Variants in EPG5 observed in about 807,000 individuals in gnomAD.
EPG5 encodes the protein ectopic P granules protein 5 homolog.
EPG5 carries 159 observed loss-of-function variants against 302.7 expected under a neutral mutation model. The observed-to-expected ratio is 0.53, with a 90% CI of 0.46 to 0.60. The LOEUF (loss-of-function observed/expected upper bound fraction) is 0.60, where lower values mean the gene tolerates loss of function less well. Among genes scored for constraint, EPG5 ranks in the 20% least tolerant of loss-of-function variants. The pLI, the probability that EPG5 is intolerant of heterozygous loss-of-function variation, is 0.00. For missense variants in EPG5, 2,896 were observed against 3,092.4 expected, an observed-to-expected ratio of 0.94 and a Z score of 1.51; for synonymous variants, 1,158 against 1,136.8, an observed-to-expected ratio of 1.02 and a Z score of -0.37.
At chr18:45,876,036 G>A (rs1178673214) in intron 35 of EPG5, among the ~76,000 whole-genome samples, 200 bp downstream of exon 35, 6 of 149,266 alleles carry the variant, frequency 4.0e-5, no homozygotes, top group South Asian at 2.1e-4. Flanking sequence ...CAGCCTGGGC[G>A]ACAGAGCAAG....
intron 39 of EPG5, among the ~76,000 whole-genome samples, 180 bp from the exon 40 acceptor site, chr18:45,860,526 C>T (rs751340893): frequency 5.9e-5 from 9 of 152,164 alleles, no homozygotes; most frequent in East Asian, 5.8e-4. Context: ...AGGTAGTATG[C>T]GGCACACGGT....
At chr18:45,855,414 C>A in intron 43 of EPG5, 159 bp downstream of exon 43, 1 of 564,034 alleles carries the variant, frequency 1.8e-6, no homozygotes, top group Non-Finnish European at 3.2e-6. Context: ...GAGGTTGGCA[C>A]ATGAAACCAT....
chr18:45,897,692 T>A (rs1231433274), intron 27 of EPG5, among the ~76,000 whole-genome samples: 2 of 152,214 alleles, frequency 1.3e-5, no homozygotes, highest in East Asian at 1.9e-4. Context: ...TCCTAACTTT[T>A]AGGTCAAATT....
the EPG5 span, among the ~76,000 whole-genome samples, chr18:45,833,926 C>A: frequency 4.6e-5 from 7 of 151,218 alleles, no homozygotes; most frequent in East Asian, 1.2e-3. Context: ...TGGAAAAAAA[C>A]CCATGAATCC....
At position 45,925,861 on chromosome 18, in the gene EPG5, C is replaced by T. The variant is rs1160786631; in HGVS notation, c.2595G>A (p.Trp865Ter). 6.4e-7 allele frequency: 1 copy of T among 1,554,662 alleles called. No individual in the cohort carries two copies. Among genetic ancestry groups the T allele is most frequent in the South Asian group, 1.2e-5 (1 of 80,026 alleles). ...YLFKELPLYL[W>*]QPSASEIAVI... ...CCGCTATCTCAGATGCAGAAGGTTG[C>T]CAAAGATACAAAGGCAGTTCTTTAA... is the stretch of plus-strand genomic sequence containing the variant. Residue 865 changes from tryptophan to a stop codon, truncating the protein, a stop_gained, in exon 14 of 44, where the codon TGG (tryptophan) becomes TGA (stop). Coordinates refer to ENST00000282041, the MANE Select transcript of EPG5 (RefSeq NM_020964.3). LOFTEE classifies it high-confidence loss of function.
the EPG5 span, among the ~76,000 whole-genome samples, chr18:45,818,971 T>C: frequency 6.6e-5 from 10 of 152,282 alleles, no homozygotes; most frequent in Admixed American, 5.2e-4. Flanking sequence ...TGACCACAAA[T>C]GATCCACCCG....
intron 4 of EPG5, among the ~76,000 whole-genome samples, 157 bp from the exon 5 acceptor site, chr18:45,949,748 G>C (rs911273220): frequency 1.3e-5 from 2 of 152,096 alleles, no homozygotes; most frequent in Non-Finnish European, 2.9e-5. Context: ...GTTTCTACGA[G>C]GCCTACAAAT....
At chr18:45,937,133 G>A (rs2050546590) in intron 10 of EPG5, among the ~76,000 whole-genome samples, 1 of 151,594 alleles carries the variant, frequency 6.6e-6, no homozygotes, top group South Asian at 2.1e-4. Flanking sequence ...AAGGGAAATT[G>A]TAGAGGACTT....
rs767595730 is a variant in EPG5, at chr18:45,916,121, T to C, written c.3470A>G (p.His1157Arg). 8 of 1,614,082 alleles carry C rather than the reference T, an allele frequency of 5.0e-6. No individual in the cohort carries two copies. The African/African-American group carries it at 5.3e-5, about 11-fold the overall frequency. Residue 1157 changes from histidine to arginine, a missense_variant, in exon 19 of 44, where the codon CAT becomes CGT. By Grantham distance (29) the His-to-Arg change is conservative (BLOSUM62 0). This residue lies in a region of EPG5 where 1,390 missense variants were observed against 1,430.0 expected (regional missense o/e 0.97). Transcript: ENST00000282041. The part of the protein sequence containing the change: ...EFWVQALISQ[H>R]LWYREQPILF... ...GATAGGTTGTTCTCGGTACCAGAGA[T>C]GCTGGCTTATGAGAGCCTGAACCCA...
At chr18:45,832,583 G>A in the EPG5 span, among the ~76,000 whole-genome samples, 3 of 152,292 alleles carry the variant, frequency 2.0e-5, no homozygotes, top group East Asian at 1.9e-4. Context: ...CATGCTTCCC[G>A]CCATACCCTA....
At chr18:45,888,192 G>A (rs976612939) in intron 28 of EPG5, among the ~76,000 whole-genome samples, 3 of 149,360 alleles carry the variant, frequency 2.0e-5, no homozygotes, top group Non-Finnish European at 4.5e-5. Flanking sequence ...CACAACCTTC[G>A]CCTCCCGAGT....
chr18:45,940,349 T>C (rs1192292178), intron 9 of EPG5, among the ~76,000 whole-genome samples: 1 of 152,224 alleles, frequency 6.6e-6, no homozygotes, highest in Non-Finnish European at 1.5e-5. Flanking sequence ...GCTTTTTCCC[T>C]GAGTGCAGTG....
the EPG5 span, among the ~76,000 whole-genome samples, chr18:45,817,506 C>T: frequency 1.3e-5 from 2 of 152,182 alleles, no homozygotes; most frequent in African/African-American, 2.4e-5. Flanking sequence ...AGTGGCTGGG[C>T]CCAGGGTATC....
intron 24 of EPG5, among the ~76,000 whole-genome samples, chr18:45,905,122 T>C (rs907952577): frequency 2.0e-5 from 3 of 152,194 alleles, no homozygotes; most frequent in African/African-American, 7.2e-5. Context: ...TACACTCCCA[T>C]GGGCTGTCTT....
At chr18:45,880,322 A>G (rs2049070190) in intron 31 of EPG5, 99 bp from the exon 32 acceptor site, 1 of 1,199,954 alleles carries the variant, frequency 8.3e-7, no homozygotes, top group Non-Finnish European at 1.1e-6. Flanking sequence ...GAATAAAAAT[A>G]AAGCCAAAAT....
the EPG5 span, among the ~76,000 whole-genome samples, chr18:45,833,925 A>C: frequency 6.6e-6 from 1 of 152,168 alleles, no homozygotes; most frequent in Middle Eastern, 3.4e-3. Context: ...ATGGAAAAAA[A>C]CCCATGAATC....
At chr18:45,908,939 ACT>A (rs1404225983) in intron 23 of EPG5, among the ~76,000 whole-genome samples, 1 of 150,194 alleles carries the variant, frequency 6.7e-6, no homozygotes, top group Non-Finnish European at 1.5e-5. Flanking sequence ...ACAGAGCAAG[ACT>A]CTGCCTCAAA....
intron 21 of EPG5, among the ~76,000 whole-genome samples, chr18:45,913,251 C>T (rs1019291216): frequency 6.6e-6 from 1 of 152,060 alleles, no homozygotes; most frequent in Non-Finnish European, 1.5e-5. Context: ...GGCTCTGAAA[C>T]CCAAAAGCAA....
At chr18:45,855,363 T>C (rs2048493036) in intron 43 of EPG5, 2 of 477,702 alleles carry the variant, frequency 4.2e-6, no homozygotes, top group Non-Finnish European at 7.5e-6. Context: ...TTTTCTACAA[T>C]GACAGTAGCA....
Sources: gnomAD v4.1 joint callset for allele counts (sites outside exome capture counted in the v4.1 genomes callset) on GRCh38, gnomAD v4.1.1 for gene constraint, gnomAD v4.1.1 regional missense constraint, MANE v1.5 for transcripts, NCBI Gene and HGNC (gene_info 2026-07-23, HGNC 2026-07-21) for gene names.